Variants in ADCY10 observed in about 807,000 individuals in gnomAD.
ADCY10 encodes the protein adenylate cyclase 10, also known as adenylate cyclase type 10.
ADCY10 carries 156 observed loss-of-function variants against 183.3 expected under a neutral mutation model. That is an observed-to-expected ratio of 0.85 (90% CI 0.75 to 0.97). The LOEUF is 0.97. ADCY10 is among the 50% of genes least tolerant of loss of function. The pLI is 0.00. For synonymous variants in ADCY10, 645 were observed against 670.0 expected (o/e 0.96, Z 0.58); for missense variants, 1,745 against 1,934.3 (o/e 0.90, Z 1.84).
At chr1:167,909,047 C>T (rs1350913539) in intron 1 of ADCY10, among the ~76,000 whole-genome samples, 1 of 152,222 alleles carries the variant, frequency 6.6e-6, no homozygotes, top group African/African-American at 2.4e-5. Context: ...AGAAGTTTTT[C>T]TCATGCCACC....
chr1:167,901,732 ACAT>A lies in ADCY10; in HGVS notation c.363_365del (p.Lys121_Cys122delinsAsn). 1.2e-6 allele frequency: 2 copies of A among 1,614,158 alleles called. No individual in the cohort carries two copies. The highest frequency in any genetic ancestry group is 1.7e-6 in the Non-Finnish European group (2 of 1,180,028). On this transcript the variant is annotated inframe_deletion, in exon 5 of 33. Coordinates refer to ENST00000367851, the MANE Select transcript of ADCY10 (RefSeq NM_018417.6). ...CAAACAATCCATGGATCTCCAGGCT[ACAT>A]TTAATTACCACTGTGATAATGTTTT...
At chr1:167,813,564 A>G (rs892688261) in intron 31 of ADCY10, among the ~76,000 whole-genome samples, 60 of 152,200 alleles carry the variant, frequency 3.9e-4, no homozygotes, top group African/African-American at 1.4e-3. Context: ...GGAGCCCTGT[A>G]GGGTAAAATG....
At chr1:167,828,662 T>C (rs1398096396) in intron 26 of ADCY10, among the ~76,000 whole-genome samples, 1 of 152,152 alleles carries the variant, frequency 6.6e-6, no homozygotes, top group East Asian at 1.9e-4. Context: ...GTTATCTTTA[T>C]TTTAAAATAA....
Position 167,860,937 on chromosome 1 carries a change from T to C in ADCY10, c.1743A>G (p.Arg581=). Residue 581 remains arginine, a synonymous_variant, in exon 15 of 33, where the codon CGA becomes CGG. Coordinates refer to ENST00000367851, the MANE Select transcript of ADCY10 (RefSeq NM_018417.6). Reference sequence around the variant, plus strand: ...CATCCAACAGTGTCATGACTTTATTTCGAAGGTTGGTCTGTCGTTCTTTAT... The same window carrying C: ...CATCCAACAGTGTCATGACTTTATTCCGAAGGTTGGTCTGTCGTTCTTTAT... ...KHYKERQTNL[R]NKVMTLLDEK... is the part of the protein sequence containing the mutation. 1 of 1,614,178 alleles carries C rather than the reference T, an allele frequency of 6.2e-7. No homozygotes were observed. Among genetic ancestry groups the C allele is most frequent in the Non-Finnish European group, 8.5e-7 (1 of 1,180,028 alleles).
At chr1:167,895,033 T>C (rs565354006) in intron 7 of ADCY10, among the ~76,000 whole-genome samples, 1 of 151,972 alleles carries the variant, frequency 6.6e-6, no homozygotes, top group Non-Finnish European at 1.5e-5. Flanking sequence ...AATACAAAAA[T>C]TAGCTGGGTG....
rs1484177185 is a variant in ADCY10, at chr1:167,834,345, C to CT, written c.3310-269dup. ...CTGGAAATCTCCACCTTTCTTCACA[C>CT]TATCATCTAGGTTGCCTTACCCGAA... On this transcript the variant is annotated intron_variant, in intron 23 of 32. Coordinates refer to ENST00000367851, the MANE Select transcript of ADCY10 (RefSeq NM_018417.6). 12 of 541,232 alleles carry CT rather than the reference C, an allele frequency of 2.2e-5. No individual in the cohort carries two copies. In the East Asian group the frequency reaches 3.3e-4, roughly 15 times the overall value. The allele number at this position is 541,232 out of a possible 1,614,324, so 33.5% of individuals were successfully genotyped here.
intron 14 of ADCY10, 141 bp downstream of exon 14, chr1:167,870,116 C>CTATT (rs1306822723): frequency 1.1e-6 from 1 of 904,576 alleles, no homozygotes; most frequent in African/African-American, 1.7e-5. Flanking sequence ...TGTTAGTTAT[C>CTATT]TATTTAGCAC....
At chr1:167,859,755 G>A (rs1414128660) in intron 16 of ADCY10, 52 bp downstream of exon 16, 7 of 1,377,644 alleles carry the variant, frequency 5.1e-6, no homozygotes, top group African/African-American at 1.4e-5. Flanking sequence ...TGGCTTTGTG[G>A]TGATTTGCCC....
intron 6 of ADCY10, among the ~76,000 whole-genome samples, chr1:167,897,056 C>T (rs551651648): frequency 4.0e-5 from 6 of 151,718 alleles, no homozygotes; most frequent in Admixed American, 6.6e-5. Context: ...TGTTAAAGGA[C>T]GGGGGCTGAT....
At chr1:167,885,154 G>A (rs888429193) in intron 8 of ADCY10, among the ~76,000 whole-genome samples, 3 of 152,138 alleles carry the variant, frequency 2.0e-5, no homozygotes, top group Non-Finnish European at 4.4e-5. Flanking sequence ...ACTTCGTTGT[G>A]TATATGTACC....
At chr1:167,903,410 A>G (rs1265785014) in intron 3 of ADCY10, among the ~76,000 whole-genome samples, 1 of 152,010 alleles carries the variant, frequency 6.6e-6, no homozygotes, top group Admixed American at 6.6e-5. Context: ...CTAAAAATAC[A>G]ACAATTAGAC....
intron 6 of ADCY10, 147 bp from the exon 7 acceptor site, chr1:167,896,838 GA>G: frequency 3.2e-6 from 2 of 634,044 alleles, no homozygotes; most frequent in South Asian, 3.7e-5. Context: ...TTGTAAAATT[GA>G]AATTTTAAAT....
At position 167,848,477 on chromosome 1, in the gene ADCY10, T is replaced by C; in HGVS notation, c.2321A>G (p.Lys774Arg). Residue 774 changes from lysine to arginine, a missense_variant, in exon 19 of 33, where the codon AAG becomes AGG. Coordinates refer to ENST00000367851, the MANE Select transcript of ADCY10 (RefSeq NM_018417.6). Reference protein sequence around the residue: ...TWNNLFKYSIKLTEKLNMVTL... With the variant: ...TWNNLFKYSIRLTEKLNMVTL... Reference sequence around the variant, plus strand: ...AACCATGTTTAACTTCTCTGTTAGCTTAATGGAATACTCTACAGGGGTATA... The same window carrying C: ...AACCATGTTTAACTTCTCTGTTAGCCTAATGGAATACTCTACAGGGGTATA... 6.2e-7 allele frequency: 1 copy of C among 1,613,658 alleles called. No individual in the cohort carries two copies. The highest frequency in any genetic ancestry group is 1.1e-5 in the South Asian group (1 of 91,076).
Position 167,828,299 on chromosome 1 carries a change from A to T in ADCY10, c.3750+968T>A, listed in dbSNP as rs542879507. Among the ~76,000 whole-genome samples the T allele has an allele frequency of 1.2e-4, 19 of 152,344 alleles. No individual in the cohort carries two copies. The East Asian group carries it at 2.3e-3, about 19-fold the overall frequency. Reference sequence around the variant, plus strand: ...TTCTCCTTGGAACCACTTGGTTCCAATCTTACTAATTTTGATTGAGTCAAC... The same window carrying T: ...TTCTCCTTGGAACCACTTGGTTCCATTCTTACTAATTTTGATTGAGTCAAC... On this transcript the variant is annotated intron_variant, in intron 26 of 32. Coordinates refer to ENST00000367851, the MANE Select transcript of ADCY10 (RefSeq NM_018417.6).
intron 32 of ADCY10, 150 bp downstream of exon 32, chr1:167,810,575 C>A: frequency 1.3e-6 from 1 of 765,180 alleles, no homozygotes; most frequent in Admixed American, 2.1e-5. Flanking sequence ...GCTTCCAAAA[C>A]TGAGCAGTAG....
At chr1:167,824,005 A>T (rs2863271) in intron 28 of ADCY10, among the ~76,000 whole-genome samples, 93,007 of 152,066 alleles carry the variant, frequency 0.61, 28,868 homozygotes, top group African/African-American at 0.7. Context: ...AGATGATGCA[A>T]GGCAAAGAAT....
chr1:167,829,579 A>G (rs1448754679), intron 25 of ADCY10, among the ~76,000 whole-genome samples, 156 bp from the exon 26 acceptor site: 1 of 152,220 alleles, frequency 6.6e-6, no homozygotes, highest in Non-Finnish European at 1.5e-5. Flanking sequence ...AAGCACATTA[A>G]TTTTTATGGA....
chr1:167,824,329 G>T, intron 28 of ADCY10, 147 bp downstream of exon 28: 1 of 764,696 alleles, frequency 1.3e-6, no homozygotes, highest in Non-Finnish European at 2.3e-6. Flanking sequence ...TCTGAAAAAA[G>T]AAAAAAGGGT....
chr1:167,817,148 G>A (rs1301260155), intron 31 of ADCY10, among the ~76,000 whole-genome samples: 1 of 152,176 alleles, frequency 6.6e-6, no homozygotes. Context: ...TGGATCACTT[G>A]AGGTCAAGAG....
Sources: allele counts gnomAD v4.1 joint callset (sites outside exome capture counted in the v4.1 genomes callset), GRCh38; gene constraint gnomAD v4.1.1; transcripts MANE v1.5; gene names NCBI Gene and HGNC (gene_info 2026-07-23, HGNC 2026-07-21).